The following LOC400499 variants were observed in gnomAD, a reference collection of about 807,000 sequenced individuals.
At chr16:11,488,083 C>A in the LOC400499 span, among the ~76,000 whole-genome samples, 1 of 150,470 alleles carries the variant, frequency 6.6e-6, no homozygotes, top group Non-Finnish European at 1.5e-5. Context: ...TGCCACTGTA[C>A]TCCAGCCTGG....
At chr16:11,400,877 T>C in the LOC400499 span, among the ~76,000 whole-genome samples, 1 of 152,140 alleles carries the variant, frequency 6.6e-6, no homozygotes, top group Admixed American at 6.5e-5. Flanking sequence ...TGGGAAAACC[T>C]GAGTCTCAGA....
the LOC400499 span, among the ~76,000 whole-genome samples, chr16:11,504,439 C>T: frequency 6.6e-6 from 1 of 151,852 alleles, no homozygotes; most frequent in African/African-American, 2.4e-5. Flanking sequence ...GCTTGCAATC[C>T]CAGCTATTCA....
At chr16:11,491,781 T>C in the LOC400499 span, 2 of 398,664 alleles carry the variant, frequency 5.0e-6, no homozygotes, top group Non-Finnish European at 8.8e-6. Context: ...CAGGGCCAGG[T>C]AGGCATTGAT....
the LOC400499 span, among the ~76,000 whole-genome samples, chr16:11,481,381 G>A: frequency 6.6e-6 from 1 of 152,280 alleles, no homozygotes; most frequent in African/African-American, 2.4e-5. Context: ...AGAGTGCAGT[G>A]GTGCAATCTT....
the LOC400499 span, among the ~76,000 whole-genome samples, chr16:11,453,918 A>C: frequency 1.3e-5 from 2 of 152,220 alleles, no homozygotes; most frequent in Non-Finnish European, 1.5e-5. Flanking sequence ...CAGAACAAAG[A>C]AAGGAAATTA....
At chr16:11,447,862 C>A in the LOC400499 span, 1 of 1,467,124 alleles carries the variant, frequency 6.8e-7, no homozygotes, top group Middle Eastern at 1.8e-4. Context: ...ATCCTGTTCC[C>A]CCTGGGGATG....
chr16:11,401,368 C>G, the LOC400499 span: 1 of 399,504 alleles, frequency 2.5e-6, no homozygotes, highest in African/African-American at 2.1e-5. Flanking sequence ...GGGCGGCCAG[C>G]TCACTCTTCC....
At chr16:11,398,325 C>T in the LOC400499 span, 7 of 1,232,146 alleles carry the variant, frequency 5.7e-6, no homozygotes, top group African/African-American at 9.3e-5. Context: ...CTCCAGCTGC[C>T]CCCTTCTGCA....
At chr16:11,473,465 C>T in the LOC400499 span, among the ~76,000 whole-genome samples, 4 of 151,854 alleles carry the variant, frequency 2.6e-5, no homozygotes, top group South Asian at 2.1e-4. Context: ...TTATTATTAA[C>T]GAAGTTTCTC....
At chr16:11,453,622 T>C in the LOC400499 span, among the ~76,000 whole-genome samples, 37 of 151,728 alleles carry the variant, frequency 2.4e-4, no homozygotes. Context: ...GCATATGAAG[T>C]CGAGGAAATC....
chr16:11,396,279 C>A, the LOC400499 span: 1 of 376,848 alleles, frequency 2.7e-6, no homozygotes. Context: ...GGTGTTGGGA[C>A]TGTGGAGGAG....
At chr16:11,512,342 T>C in the LOC400499 span, among the ~76,000 whole-genome samples, 1 of 151,986 alleles carries the variant, frequency 6.6e-6, no homozygotes, top group Non-Finnish European at 1.5e-5. Flanking sequence ...CTCACGCCTG[T>C]AGTCCCAGCA....
At chr16:11,467,000 T>G in the LOC400499 span, among the ~76,000 whole-genome samples, 1 of 152,062 alleles carries the variant, frequency 6.6e-6, no homozygotes, top group African/African-American at 2.4e-5. Flanking sequence ...CTACCCAAAC[T>G]GGAGTGCAGT....
chr16:11,385,143 G>T, the LOC400499 span: 4 of 1,230,286 alleles, frequency 3.3e-6, no homozygotes, highest in Middle Eastern at 3.1e-4. Flanking sequence ...CCCCCCAGGC[G>T]ACCTGCCATG....
At chr16:11,462,098 A>G in the LOC400499 span, 1 of 1,473,060 alleles carries the variant, frequency 6.8e-7, no homozygotes, top group Non-Finnish European at 9.0e-7. Context: ...GAGGGGACAG[A>G]AGGGGTCTCA....
At chr16:11,506,462 C>G in the LOC400499 span, among the ~76,000 whole-genome samples, 2 of 152,182 alleles carry the variant, frequency 1.3e-5, no homozygotes, top group African/African-American at 4.8e-5. Flanking sequence ...TGTAAACCGT[C>G]CTTAATAAAC....
At chr16:11,491,793 C>T in the LOC400499 span, 9 of 398,880 alleles carry the variant, frequency 2.3e-5, no homozygotes, top group African/African-American at 4.1e-5. Flanking sequence ...GGCATTGATA[C>T]GGATCTCAGC....
chr16:11,413,163 G>A, the LOC400499 span, among the ~76,000 whole-genome samples: 32,257 of 152,048 alleles, frequency 0.21, 3,487 homozygotes, highest in East Asian at 0.33. Context: ...TGCCCACCGA[G>A]GGACCTCAAA....
the LOC400499 span, among the ~76,000 whole-genome samples, chr16:11,456,398 T>A: frequency 0.42 from 63,397 of 151,666 alleles, 13,911 homozygotes; most frequent in Non-Finnish European, 0.5. Context: ...GACACAAAGA[T>A]CTGCAAATGC....
Sources: gnomAD v4.1 joint callset for allele counts (sites outside exome capture counted in the v4.1 genomes callset) on GRCh38, gnomAD v4.1.1 for gene constraint, MANE v1.5 for transcripts.